Variants in DPH6 observed in about 807,000 individuals in gnomAD.
DPH6 encodes the protein diphthamine biosynthesis 6, also known as diphthine--ammonia ligase.
A neutral mutation model predicts 38.2 loss-of-function variants in DPH6; 33 were observed. The ratio of observed to expected loss-of-function variants is 0.86; its 90% CI spans 0.65 to 1.15. DPH6 has a LOEUF of 1.15. Ranked by LOEUF, DPH6 falls within the 50% of genes most tolerant of loss-of-function variation. The pLI is 0.00. For missense variants in DPH6, 325 were observed against 320.0 expected, an observed-to-expected ratio of 1.02 and a Z score of -0.12; for synonymous variants, 108 against 103.0, an observed-to-expected ratio of 1.05 and a Z score of -0.30.
intron 5 of DPH6, among the ~76,000 whole-genome samples, chr15:35,449,387 C>T (rs540822365): frequency 2.6e-5 from 4 of 152,064 alleles, no homozygotes; most frequent in Non-Finnish European, 5.9e-5. Context: ...CGGTTATATA[C>T]TATTAAAAGA....
chr15:35,337,442 G>C (rs1013596282), intron 3 of DPH6, among the ~76,000 whole-genome samples: 12 of 152,194 alleles, frequency 7.9e-5, no homozygotes, highest in African/African-American at 2.2e-4. Context: ...TGGCTTCAAA[G>C]AGAATAAAAT....
intron 3 of DPH6, among the ~76,000 whole-genome samples, chr15:35,523,552 A>G (rs2054955693): frequency 6.6e-6 from 1 of 152,044 alleles, no homozygotes; most frequent in Non-Finnish European, 1.5e-5. Context: ...CTGAACTGGG[A>G]TTGCAAATAT....
chr15:35,250,917 A>G (rs1332507067), intron 3 of DPH6, among the ~76,000 whole-genome samples: 5 of 152,280 alleles, frequency 3.3e-5, no homozygotes, highest in Middle Eastern at 6.8e-3. Flanking sequence ...TACTTCCAAT[A>G]AGTTACTTAC....
At chr15:35,453,899 C>A (rs2053965789) in intron 4 of DPH6, among the ~76,000 whole-genome samples, 1 of 151,946 alleles carries the variant, frequency 6.6e-6, no homozygotes, top group Non-Finnish European at 1.5e-5. Context: ...TATATAAATA[C>A]AGCCATTATC....
downstream of DPH6, among the ~76,000 whole-genome samples, chr15:35,326,183 T>A (rs892462513): frequency 6.6e-6 from 1 of 152,204 alleles, no homozygotes; most frequent in African/African-American, 2.4e-5. Flanking sequence ...TTTACTTTTT[T>A]ATTATATTCT....
intron 3 of DPH6, among the ~76,000 whole-genome samples, chr15:35,223,561 C>A (rs2051457086): frequency 6.6e-6 from 1 of 152,162 alleles, no homozygotes; most frequent in East Asian, 1.9e-4. Flanking sequence ...TGGTGGACGC[C>A]TGTAGTCCCA....
intron 3 of DPH6, among the ~76,000 whole-genome samples, chr15:35,269,994 A>G (rs2051812170): frequency 1.3e-5 from 2 of 148,422 alleles, no homozygotes; most frequent in African/African-American, 2.5e-5. Context: ...GGGTTTCACC[A>G]TGTTAGCCAG....
chr15:35,465,479 T>C (rs986179586), intron 3 of DPH6, among the ~76,000 whole-genome samples: 1 of 152,198 alleles, frequency 6.6e-6, no homozygotes, highest in Non-Finnish European at 1.5e-5. Context: ...TAGATGCTTT[T>C]TCCTTAAACT....
the DPH6 span, among the ~76,000 whole-genome samples, chr15:35,178,020 A>G: frequency 6.6e-6 from 1 of 152,138 alleles, no homozygotes; most frequent in Non-Finnish European, 1.5e-5. Flanking sequence ...CAATACATAT[A>G]TATGTTGTAT....
Position 35,538,414 on chromosome 15 carries a change from T to C in DPH6, c.172A>G (p.Ile58Val), listed in dbSNP as rs1161056076. Residue 58 changes from isoleucine (I) to valine (V), a missense_variant, in exon 3 of 9, where the codon ATT (isoleucine) becomes GTT (valine). Transcript: ENST00000256538. ...GCCATTGCTTCTGCATACAAGTCAA[T>C]GGCATGGTGCCCCACTGTCTGATAC... The part of the protein sequence containing the change: ...YMYQTVGHHA[I>V]DLYAEAMALP... 3 of 1,605,682 alleles carry C rather than the reference T, an allele frequency of 1.9e-6. No individual in the cohort carries two copies. The highest frequency in any genetic ancestry group is 1.3e-5 in the African/African-American group (1 of 74,828).
the DPH6 span, among the ~76,000 whole-genome samples, chr15:35,159,352 A>C: frequency 6.6e-6 from 1 of 151,904 alleles, no homozygotes; most frequent in Admixed American, 6.6e-5. Flanking sequence ...TTGTATCTTC[A>C]GTTTCTACTT....
intron 6 of DPH6, among the ~76,000 whole-genome samples, chr15:35,399,433 T>C (rs2053189042): frequency 6.6e-6 from 1 of 152,088 alleles, no homozygotes; most frequent in African/African-American, 2.4e-5. Flanking sequence ...GAAGAATTTA[T>C]AGAGTAACAG....
chr15:35,154,383 AATGTCTCATT>A, the DPH6 span, among the ~76,000 whole-genome samples: 329 of 152,282 alleles, frequency 2.2e-3, 4 homozygotes, highest in Non-Finnish European at 4.0e-4. Flanking sequence ...TTAACTTTGT[AATGTCTCATT>A]TCCTCTTCCA....
exon 4 of DPH6, chr15:35,218,553 A>G (rs979023292): frequency 1.2e-4 from 18 of 152,232 alleles, no homozygotes; most frequent in African/African-American, 4.3e-4. Flanking sequence ...TCAGGGCAAT[A>G]AAGACTTCTT....
intron 3 of DPH6, among the ~76,000 whole-genome samples, chr15:35,301,943 G>A (rs1479027166): frequency 1.3e-5 from 2 of 151,982 alleles, no homozygotes; most frequent in Non-Finnish European, 2.9e-5. Flanking sequence ...CACTGCACTC[G>A]AGCCTGGGCG....
intron 6 of DPH6, among the ~76,000 whole-genome samples, chr15:35,393,749 T>C (rs1283395564): frequency 2.6e-5 from 4 of 152,148 alleles, no homozygotes; most frequent in African/African-American, 9.7e-5. Flanking sequence ...CTTCTGCTGT[T>C]TTCTCGAATG....
At chr15:35,394,154 T>A (rs1005231043) in intron 6 of DPH6, among the ~76,000 whole-genome samples, 1 of 152,172 alleles carries the variant, frequency 6.6e-6, no homozygotes, top group Non-Finnish European at 1.5e-5. Context: ...TCTTAATGCA[T>A]TCCCTATAAC....
In DPH6 at chr15:35,478,399, A is replaced by T. The variant is rs1036665974; in HGVS notation, c.313-23579T>A. Among the ~76,000 whole-genome samples the T allele has an allele frequency of 3.7e-4, 56 of 151,030 alleles. 1 individual carries two copies. The highest frequency in any genetic ancestry group is 4.4e-5 in the Non-Finnish European group (3 of 67,576). On this transcript the variant is annotated intron_variant, in intron 3 of 8. Transcript: ENST00000256538. ...CACACACACACACACACACACACAC[A>T]CACACAAAGATTGTAAAAATATGCA...
the DPH6 span, among the ~76,000 whole-genome samples, chr15:35,186,653 T>C: frequency 3.9e-5 from 6 of 152,260 alleles, no homozygotes; most frequent in African/African-American, 1.4e-4. Context: ...GCTGCAGTTG[T>C]TATGTATTTT....
Sources: gnomAD v4.1 joint callset for allele counts (sites outside exome capture counted in the v4.1 genomes callset) on GRCh38, gnomAD v4.1.1 for gene constraint, MANE v1.5 for transcripts, NCBI Gene and HGNC (gene_info 2026-07-23, HGNC 2026-07-21) for gene names.